C1orf116: variants seen among roughly 807,000 people sequenced by gnomAD.
C1orf116 encodes the protein chromosome 1 open reading frame 116, also known as specifically androgen-regulated gene protein.
A neutral mutation model predicts 14.1 loss-of-function variants in C1orf116; 12 were observed. That is an observed-to-expected ratio of 0.85 (90% CI 0.54 to 1.38). The LOEUF (loss-of-function observed/expected upper bound fraction) is 1.38. Among genes scored for constraint, C1orf116 ranks in the 40% most tolerant of loss-of-function variants. The pLI, the probability that C1orf116 is intolerant of heterozygous loss-of-function variation, is 0.00. For missense variants in C1orf116, 797 were observed against 747.0 expected (o/e 1.07, Z -0.78); for synonymous variants, 296 against 299.0 (o/e 0.99, Z 0.10).
At chr1:207,027,802 G>T (rs1682129713) in intron 1 of C1orf116, 123 bp from the exon 2 acceptor site, 3 of 1,124,036 alleles carry the variant, frequency 2.7e-6, no homozygotes, top group Non-Finnish European at 2.4e-6. Flanking sequence ...GGCATGAACA[G>T]CCACTGCCCG....
At chr1:207,026,941 T>C (rs1016879360) in intron 2 of C1orf116, among the ~76,000 whole-genome samples, 1 of 152,216 alleles carries the variant, frequency 6.6e-6, no homozygotes, top group African/African-American at 2.4e-5. Flanking sequence ...CTGTATCACA[T>C]TTACTCCCCA....
At chr1:207,024,813 G>A in intron 3 of C1orf116, 74 bp downstream of exon 3, 1 of 1,543,152 alleles carries the variant, frequency 6.5e-7, no homozygotes, top group South Asian at 1.2e-5. Context: ...GGCAGGCGAG[G>A]TAGAAAGTGG....
In C1orf116 at chr1:207,022,358, C is replaced by T; in HGVS notation, c.1406G>A (p.Ser469Asn). ...KPESGLTLQE[S>N]NTPGLRQMNF... ...CATCTGTCTCAGGCCAGGGGTGTTGCTCTCCTGGAGAGTCAGCCCTGACTC... is the reference window on the plus strand; with the variant it reads ...CATCTGTCTCAGGCCAGGGGTGTTGTTCTCCTGGAGAGTCAGCCCTGACTC... The change falls in exon 4 of 4, where the codon AGC becomes AAC. Residue 469 changes from serine to asparagine, a missense_variant. Coordinates refer to ENST00000359470, the MANE Select transcript of C1orf116 (RefSeq NM_023938.6). The T allele has an allele frequency of 6.2e-7, 1 of 1,614,040 alleles. No individual in the cohort carries two copies.
chr1:207,028,872 G>A (rs186218592), intron 1 of C1orf116, among the ~76,000 whole-genome samples: 1 of 152,224 alleles, frequency 6.6e-6, no homozygotes, highest in South Asian at 2.1e-4. Flanking sequence ...GCCAGAATTA[G>A]AATAAAGTTT....
At chr1:207,024,091 G>C (rs1179283723) in intron 3 of C1orf116, among the ~76,000 whole-genome samples, 7 of 152,200 alleles carry the variant, frequency 4.6e-5, no homozygotes, top group Non-Finnish European at 1.0e-4. Context: ...GGATAATTCT[G>C]TAATAGCCAT....
At position 207,022,014 on chromosome 1, in the gene C1orf116, C is replaced by T. The variant is rs1360104150; in HGVS notation, c.1750G>A (p.Val584Ile). The T allele has an allele frequency of 1.3e-6, 2 of 1,564,044 alleles. No individual in the cohort carries two copies. The highest frequency in any genetic ancestry group is 1.9e-5 in the Admixed American group (1 of 52,106). The change falls in exon 4 of 4, where the codon GTC (valine) becomes ATC (isoleucine). Residue 584 changes from valine (V) to isoleucine (I), a missense_variant. Transcript: ENST00000359470. Reference sequence around the variant, plus strand: ...GCCTCCCTTCTGTGTTCATTGGGGACACCCTTTGGGGAGATCTTGACACTG... The same window carrying T: ...GCCTCCCTTCTGTGTTCATTGGGGATACCCTTTGGGGAGATCTTGACACTG... ...CVSVKISPKG[V>I]PNEHRREALK...
rs766809107 is a variant in C1orf116 at position 207,022,197 on chromosome 1, A to C, written c.1567T>G (p.Leu523Val). The C allele has an allele frequency of 6.2e-7, 1 of 1,614,076 alleles. No homozygotes were observed. Among genetic ancestry groups the C allele is most frequent in the Admixed American group, 1.7e-5 (1 of 60,008 alleles). ...GCCGGGCGGGGCCGAGAATTACGTA[A>C]GACACTGGGCGAGATCTTGTCCAAG... is the stretch of plus-strand genomic sequence containing the variant. Reference protein sequence around the residue: ...SFLDKISPSVLRNSRPRPASL... With the variant: ...SFLDKISPSVVRNSRPRPASL... Residue 523 changes from leucine (L) to valine (V), a missense_variant, in exon 4 of 4, where the codon TTA (leucine) becomes GTA (valine). Coordinates refer to ENST00000359470, the MANE Select transcript of C1orf116 (RefSeq NM_023938.6).
intron 1 of C1orf116, among the ~76,000 whole-genome samples, chr1:207,030,715 G>A (rs945969971): frequency 2.0e-5 from 3 of 152,200 alleles, no homozygotes; most frequent in East Asian, 1.9e-4. Context: ...GGCAGCCATC[G>A]AAACCCTGAT....
At chr1:207,031,082 T>G (rs1028627566) in intron 1 of C1orf116, among the ~76,000 whole-genome samples, 4 of 152,158 alleles carry the variant, frequency 2.6e-5, no homozygotes, top group Non-Finnish European at 5.9e-5. Flanking sequence ...CCAAGAGCTT[T>G]GCCTCTCTGC....
Position 207,021,966 on chromosome 1 carries a change from T to C in C1orf116, c.1798A>G (p.Lys600Glu), listed in dbSNP as rs371632482. 4 of 1,524,990 alleles carry C rather than the reference T, an allele frequency of 2.6e-6. No homozygotes were observed. In the African/African-American group the frequency reaches 5.6e-5, roughly 21 times the overall value. The allele number at this position is 1,524,990 out of a possible 1,614,324, so 94.5% of individuals were successfully genotyped here. ...TGTACTGGTCGCAGAGTCTACTCCT[T>C]CAACAGTCCCAGCTTCTTCAGGGCC... ...REALKKLGLL[K>E]E The change falls in exon 4 of 4, where the codon AAG becomes GAG. Residue 600 changes from lysine (K) to glutamate (E), a missense_variant. Physicochemically the swap from Lys to Glu is moderately conservative, Grantham distance 56. Transcript: ENST00000359470.
chr1:207,025,704 G>A (rs937204176), intron 2 of C1orf116, among the ~76,000 whole-genome samples: 1 of 152,170 alleles, frequency 6.6e-6, no homozygotes, highest in Non-Finnish European at 1.5e-5. Flanking sequence ...CATTCCATAC[G>A]GGAATTTTTC....
intron 2 of C1orf116, 59 bp downstream of exon 2, chr1:207,027,435 C>CAGGGCAGGGCAGGTGTGCAG: frequency 6.3e-7 from 1 of 1,596,928 alleles, no homozygotes; most frequent in East Asian, 2.2e-5. Context: ...TAGGGCAGGG[C>CAGGGCAGGGCAGGTGTGCAG]AGGGCAGGGC....
At chr1:207,032,552 G>A (rs1572701392) in intron 1 of C1orf116, 27 bp downstream of exon 1, 1 of 984,936 alleles carries the variant, frequency 1.0e-6, no homozygotes, top group East Asian at 1.1e-4. Flanking sequence ...TATAGGATAA[G>A]CAATAGTTGG....
Position 207,022,522 on chromosome 1 carries a change from C to T in C1orf116, c.1242G>A (p.Pro414=), listed in dbSNP as rs373642841. ...CCTGAGCTGGACCTGGAGCTGGAGC[C>T]GGAGCTTGAGCCAGAGCCTTCCCAG... ...PAAGKALAQA[P]APAPGPAQGP... Residue 414 remains proline, a synonymous_variant, in exon 4 of 4, where the codon CCG becomes CCA. Transcript: ENST00000359470. The T allele has an allele frequency of 5.0e-6, 8 of 1,614,118 alleles. No homozygotes were observed. Among genetic ancestry groups the T allele is most frequent in the Non-Finnish European group, 5.1e-6 (6 of 1,179,994 alleles).
Position 207,022,495 on chromosome 1 carries a change from T to A in C1orf116, c.1269A>T (p.Gly423=). Residue 423 remains glycine, a synonymous_variant, in exon 4 of 4, where the codon GGA becomes GGT. Coordinates refer to ENST00000359470, the MANE Select transcript of C1orf116 (RefSeq NM_023938.6). ...APAPAPGPAQ[G]PLPMKSPAPG... Reference sequence around the variant, plus strand: ...GAGCTGGAGACTTCATTGGCAAAGGTCCCTGAGCTGGACCTGGAGCTGGAG... The same window carrying A: ...GAGCTGGAGACTTCATTGGCAAAGGACCCTGAGCTGGACCTGGAGCTGGAG... The A allele has an allele frequency of 6.2e-7, 1 of 1,614,080 alleles. No individual in the cohort carries two copies. The highest frequency in any genetic ancestry group is 8.5e-7 in the Non-Finnish European group (1 of 1,179,996).
At chr1:207,023,543 C>T (rs970821802) in intron 3 of C1orf116, 63 bp from the exon 4 acceptor site, 12 of 1,509,292 alleles carry the variant, frequency 8.0e-6, no homozygotes, top group East Asian at 6.9e-5. Context: ...GGTGAGGGCC[C>T]TGCTGCAGAG....
intron 1 of C1orf116, 91 bp from the exon 2 acceptor site, chr1:207,027,770 G>T: frequency 3.7e-6 from 5 of 1,365,152 alleles, no homozygotes; most frequent in Non-Finnish European, 4.8e-6. Flanking sequence ...AGGACACCAA[G>T]CAAGCAGAGA....
Position 207,020,567 on chromosome 1 carries a change from C to A in C1orf116, c.*1391G>T, listed in dbSNP as rs373259471. On this transcript the variant is annotated 3_prime_UTR_variant, in exon 4 of 4. Transcript: ENST00000359470. ...AGCCCACACCACCCACCCATAATACCCTCTTTCGGCATTTGCTCAAGCTGC... is the reference window on the plus strand; with the variant it reads ...AGCCCACACCACCCACCCATAATACACTCTTTCGGCATTTGCTCAAGCTGC... The A allele has an allele frequency of 2.6e-5, 4 of 152,162 alleles. No homozygotes were observed. Among genetic ancestry groups the A allele is most frequent in the African/African-American group, 9.7e-5 (4 of 41,434 alleles). The allele number at this position is 152,162 out of a possible 1,614,324, so 9.4% of individuals were successfully genotyped here.
rs1572691665 is a variant in C1orf116, at chr1:207,021,594, T to C, written c.*364A>G. 5.9e-6 allele frequency: 1 copy of C among 169,938 alleles called. No individual in the cohort carries two copies. The highest frequency in any genetic ancestry group is 6.3e-5 in the Admixed American group (1 of 15,770). 10.5% of individuals were successfully genotyped at this position (169,938 alleles called of 1,614,324 possible). A position where few individuals can be genotyped will look rare whatever the true frequency, so the allele number is the denominator to read the frequency against. On this transcript the variant is annotated 3_prime_UTR_variant, in exon 4 of 4. Coordinates refer to ENST00000359470, the MANE Select transcript of C1orf116 (RefSeq NM_023938.6). ...CTCATTTGACTTTTTGTCTCAGGCA[T>C]GGCCAGCCCCTTCACTCAGCTCTCA...
Sources: gnomAD v4.1 joint callset for allele counts (sites outside exome capture counted in the v4.1 genomes callset) on GRCh38, gnomAD v4.1.1 for gene constraint, MANE v1.5 for transcripts, NCBI Gene and HGNC (gene_info 2026-07-23, HGNC 2026-07-21) for gene names.